The following CACNA2D3 variants were observed in gnomAD, a reference collection of about 807,000 sequenced individuals.
CACNA2D3 encodes the protein calcium voltage-gated channel auxiliary subunit alpha2delta 3, also known as voltage-dependent calcium channel subunit alpha-2/delta-3.
Under a neutral mutation model 160.6 loss-of-function variants are expected in CACNA2D3, and 60 were observed. The ratio of observed to expected loss-of-function variants is 0.37; its 90% CI spans 0.30 to 0.46. The LOEUF is 0.46. CACNA2D3 is among the 20% of genes least tolerant of loss of function. The probability of loss-of-function intolerance (pLI) is 1.00; values close to 1 mark genes in which losing one functional copy is unlikely to be tolerated. For synonymous variants in CACNA2D3, 558 were observed against 492.9 expected (o/e 1.13, Z -1.75); for missense variants, 1,205 against 1,365.0 (o/e 0.88, Z 1.85).
At chr3:54,288,274 A>G (rs1703085808) in intron 2 of CACNA2D3, among the ~76,000 whole-genome samples, 1 of 152,220 alleles carries the variant, frequency 6.6e-6, no homozygotes. Flanking sequence ...ACAAACTACC[A>G]TCAGAAAATA....
rs1480100916 is a variant in CACNA2D3 at position 54,217,301 on chromosome 3, C to T, written c.204+93707C>T. On this transcript the variant is annotated intron_variant, in intron 2 of 37. Transcript: ENST00000474759. ...TGCCGCCTCCTCCTCCCTGCAGCCT[C>T]AGCCAGTGGCAGTGTCCCTTCCCCT... 5.9e-5 allele frequency among the ~76,000 whole-genome samples: 9 copies of T among 152,288 alleles called. 1 individual carries two copies. The highest frequency in any genetic ancestry group is 2.9e-5 in the Non-Finnish European group (2 of 68,012).
At chr3:55,000,548 A>G (rs1332134193) in intron 31 of CACNA2D3, among the ~76,000 whole-genome samples, 1 of 152,236 alleles carries the variant, frequency 6.6e-6, no homozygotes. Context: ...CTGCGCATGT[A>G]TACTATAACT....
chr3:54,709,295 G>A (rs990618170), intron 11 of CACNA2D3, among the ~76,000 whole-genome samples: 1 of 151,850 alleles, frequency 6.6e-6, no homozygotes, highest in Non-Finnish European at 1.5e-5. Flanking sequence ...GATTACAGGT[G>A]TGAGCCACCG....
At chr3:54,228,450 T>A (rs953697515) in intron 2 of CACNA2D3, among the ~76,000 whole-genome samples, 4 of 152,246 alleles carry the variant, frequency 2.6e-5, no homozygotes, top group African/African-American at 9.6e-5. Flanking sequence ...CACCACTAAC[T>A]GGTGCTAAAA....
At chr3:54,618,893 G>A (rs1698921525) in intron 9 of CACNA2D3, among the ~76,000 whole-genome samples, 1 of 152,194 alleles carries the variant, frequency 6.6e-6, no homozygotes, top group South Asian at 2.1e-4. Context: ...AGCTGGCACT[G>A]TGTTTGTAAT....
chr3:54,989,896 T>G (rs1702701102), intron 31 of CACNA2D3, among the ~76,000 whole-genome samples: 1 of 152,220 alleles, frequency 6.6e-6, no homozygotes. Flanking sequence ...CCACAGTCCT[T>G]GCAATCACAC....
intron 11 of CACNA2D3, among the ~76,000 whole-genome samples, chr3:54,661,098 G>T (rs750165554): frequency 6.6e-6 from 1 of 152,156 alleles, no homozygotes; most frequent in African/African-American, 2.4e-5. Flanking sequence ...AAGATGTCGA[G>T]GGAGGATTAG....
chr3:54,585,969 A>G (rs915010310), intron 9 of CACNA2D3, among the ~76,000 whole-genome samples: 1 of 151,594 alleles, frequency 6.6e-6, no homozygotes, highest in African/African-American at 2.4e-5. Flanking sequence ...GCTGACTATA[A>G]GAAACTCATT....
intron 11 of CACNA2D3, among the ~76,000 whole-genome samples, chr3:54,667,489 C>T (rs1700088012): frequency 6.6e-6 from 1 of 152,124 alleles, no homozygotes; most frequent in Non-Finnish European, 1.5e-5. Flanking sequence ...TATTCCTGTT[C>T]CATCAGAGAC....
chr3:54,272,930 C>G (rs1359711177), intron 2 of CACNA2D3: 1 of 152,346 alleles, frequency 6.6e-6, no homozygotes, highest in Non-Finnish European at 1.5e-5. Flanking sequence ...TCCTCCCAGG[C>G]TTTGTCTCTC....
At chr3:54,495,824 C>T (rs1438404677) in intron 4 of CACNA2D3, among the ~76,000 whole-genome samples, 1 of 152,188 alleles carries the variant, frequency 6.6e-6, no homozygotes, top group East Asian at 1.9e-4. Flanking sequence ...CTAGTTGACT[C>T]TCACTCTCCC....
intron 4 of CACNA2D3, among the ~76,000 whole-genome samples, chr3:54,451,480 A>G (rs1057036652): frequency 6.6e-6 from 1 of 152,152 alleles, no homozygotes; most frequent in Non-Finnish European, 1.5e-5. Context: ...GCCATTAGAC[A>G]GAAAGATTCT....
At position 54,245,222 on chromosome 3, in the gene CACNA2D3, T is replaced by A. The variant is rs202037809; in HGVS notation, c.205-75220T>A. Among the ~76,000 whole-genome samples, 803 of 152,168 alleles carry A rather than the reference T, an allele frequency of 5.3e-3. 10 individuals are homozygous for A. The highest frequency in any genetic ancestry group is 0.027 in the Admixed American group (405 of 15,280). On this transcript the variant is annotated intron_variant, in intron 2 of 37. Coordinates refer to ENST00000474759, the MANE Select transcript of CACNA2D3 (RefSeq NM_018398.3). ...TAGAACACAGTCTTTTTATTTTTTT[T>A]TTAAAAAATTTAAATTTAATTTTAA...
chr3:54,727,516 A>G (rs1280235426), intron 11 of CACNA2D3, among the ~76,000 whole-genome samples: 2 of 152,264 alleles, frequency 1.3e-5, no homozygotes, highest in Admixed American at 6.5e-5. Context: ...CCAAATGTCT[A>G]TCAATAATAG....
At chr3:54,822,177 T>C (rs1254495352) in intron 14 of CACNA2D3, among the ~76,000 whole-genome samples, 1 of 152,196 alleles carries the variant, frequency 6.6e-6, no homozygotes, top group Non-Finnish European at 1.5e-5. Flanking sequence ...ACTTTTTATA[T>C]GCATTCCCAA....
chr3:54,904,593 A>G (rs1700412880), intron 27 of CACNA2D3, among the ~76,000 whole-genome samples: 1 of 152,222 alleles, frequency 6.6e-6, no homozygotes, highest in Non-Finnish European at 1.5e-5. Flanking sequence ...AATTGCTCCT[A>G]AAAATGTTTC....
intron 11 of CACNA2D3, among the ~76,000 whole-genome samples, chr3:54,666,489 C>T (rs1386161318): frequency 6.6e-6 from 1 of 152,106 alleles, no homozygotes; most frequent in East Asian, 1.9e-4. Flanking sequence ...AGCGTTACTG[C>T]CTCAGTTTCT....
At chr3:54,365,143 A>G (rs1443063089) in intron 3 of CACNA2D3, among the ~76,000 whole-genome samples, 2 of 152,214 alleles carry the variant, frequency 1.3e-5, no homozygotes, top group Admixed American at 1.3e-4. Context: ...ATGACTCACA[A>G]ATTAGACCTT....
chr3:54,808,376 G>A (rs1213543089), intron 13 of CACNA2D3, among the ~76,000 whole-genome samples: 2 of 152,072 alleles, frequency 1.3e-5, no homozygotes, highest in African/African-American at 2.4e-5. Flanking sequence ...CCCTGCTGTT[G>A]ACTTCACTCT....
Sources: gnomAD v4.1 joint callset for allele counts (sites outside exome capture counted in the v4.1 genomes callset) on GRCh38, gnomAD v4.1.1 for gene constraint, MANE v1.5 for transcripts, NCBI Gene and HGNC (gene_info 2026-07-23, HGNC 2026-07-21) for gene names.